Variants in DMD observed in about 807,000 individuals in gnomAD.
DMD encodes the protein mutant dystrophin.
A neutral mutation model predicts 330.1 loss-of-function variants in DMD; 63 were observed. The observed-to-expected ratio is 0.19, with a 90% CI of 0.16 to 0.24. The LOEUF is 0.24. Ranked by LOEUF, DMD falls within the 10% of genes least tolerant of loss-of-function variation. The pLI is 1.00. For missense variants in DMD, 3,344 were observed against 2,684.1 expected, an observed-to-expected ratio of 1.25 and a Z score of -5.43; for synonymous variants, 1,223 against 959.8, an observed-to-expected ratio of 1.27 and a Z score of -5.07.
At chrX:33,293,087 A>G (rs1396299464) in intron 1 of DMD, among the ~76,000 whole-genome samples, 2 of 111,519 alleles carry the variant, frequency 1.8e-5, no homozygotes, top group African/African-American at 6.5e-5. Flanking sequence ...ACTATAGGTT[A>G]TGTGATTATC....
intron 44 of DMD, among the ~76,000 whole-genome samples, chrX:32,123,202 C>CATATATATATATATATATAT (rs59017074): frequency 1.5e-3 from 48 of 32,555 alleles, no homozygotes; most frequent in Non-Finnish European, 2.0e-3. Context: ...TGTGAGCATG[C>CATATATATATATATATATAT]ATATATATAT....
Position 32,123,244 on chromosome X carries a change from A to ATAT in DMD, c.6438+93671_6438+93672insATA, listed in dbSNP as rs1569544914. Among the ~76,000 whole-genome samples, 44 of 42,696 alleles carry ATAT rather than the reference A, an allele frequency of 1.0e-3. 1 individual carries two copies. Among genetic ancestry groups the ATAT allele is most frequent in the African/African-American group, 4.0e-3 (39 of 9,662 alleles). The allele number at this position is 42,696 out of a possible 115,157, so 37.1% of individuals were successfully genotyped here. On this transcript the variant is annotated intron_variant, in intron 44 of 78. Transcript: ENST00000357033. ...ATATATATATATATATATATATATA[A>ATAT]ATGATCAAAATTGATGCTAATGAAA... is the stretch of plus-strand genomic sequence containing the variant.
chrX:31,670,385 A>G (rs1362055919), intron 53 of DMD, among the ~76,000 whole-genome samples: 1 of 112,163 alleles, frequency 8.9e-6, no homozygotes, highest in African/African-American at 3.2e-5. Context: ...CTTAGGGGAA[A>G]GCATTCAGTG....
At chrX:31,930,009 C>A (rs1000982449) in intron 46 of DMD, among the ~76,000 whole-genome samples, 1 of 110,955 alleles carries the variant, frequency 9.0e-6, no homozygotes, top group African/African-American at 3.3e-5. Flanking sequence ...GATGGTAAAG[C>A]AACACTCCAA....
intron 43 of DMD, among the ~76,000 whole-genome samples, chrX:32,220,712 T>C (rs2097129227): frequency 9.0e-6 from 1 of 111,315 alleles, no homozygotes; most frequent in African/African-American, 3.3e-5. Flanking sequence ...TTAGTCACTG[T>C]GCTCCCTAAA....
At chrX:31,405,197 A>C (rs987646623) in intron 60 of DMD, among the ~76,000 whole-genome samples, 2 of 112,130 alleles carry the variant, frequency 1.8e-5, no homozygotes, top group Non-Finnish European at 3.8e-5. Context: ...GACAAGAAAA[A>C]TAATATGTAT....
chrX:31,687,108 T>C lies in DMD; in HGVS notation c.7661-7522A>G, dbSNP rs191238241. Among the ~76,000 whole-genome samples, 15 of 111,054 alleles carry C rather than the reference T, an allele frequency of 1.4e-4. No individual in the cohort carries two copies. The East Asian group carries it at 3.1e-3, about 23-fold the overall frequency. On this transcript the variant is annotated intron_variant, in intron 52 of 78. Transcript: ENST00000357033. ...TACCTTAAAGGGAAGGACTCAGTCC[T>C]ATCAGGATTCATCAGCTACTAACTA...
At chrX:33,119,899 C>T in intron 1 of DMD, among the ~76,000 whole-genome samples, 1 of 111,636 alleles carries the variant, frequency 9.0e-6, no homozygotes, top group Non-Finnish European at 1.9e-5. Context: ...CTTTTCTTCA[C>T]TTACTGGGCT....
At chrX:32,782,649 C>T (rs1413585116) in intron 7 of DMD, among the ~76,000 whole-genome samples, 1 of 110,653 alleles carries the variant, frequency 9.0e-6, no homozygotes, top group African/African-American at 3.3e-5. Context: ...ATACAGTGGG[C>T]CCTCCGTATC....
chrX:32,945,272 C>G (rs1254416274), intron 2 of DMD, among the ~76,000 whole-genome samples: 1 of 111,193 alleles, frequency 9.0e-6, no homozygotes, highest in Non-Finnish European at 1.9e-5. Flanking sequence ...AAAATGATAG[C>G]TTTGATTTTC....
chrX:31,843,878 G>A (rs5927883), intron 48 of DMD, among the ~76,000 whole-genome samples: 37,444 of 109,303 alleles, frequency 0.34, 5,443 homozygotes, highest in African/African-American at 0.56. Context: ...ATTTAGGGAC[G>A]GAGTCTCGCT....
intron 2 of DMD, among the ~76,000 whole-genome samples, chrX:32,879,876 T>C (rs1170191737): frequency 9.0e-6 from 1 of 111,706 alleles, no homozygotes; most frequent in East Asian, 2.8e-4. Flanking sequence ...ATGCTAGATG[T>C]ACTTGCATGT....
chrX:32,928,795 T>TA lies in DMD; in HGVS notation c.94-78976dup, dbSNP rs767095120. On this transcript the variant is annotated intron_variant, in intron 2 of 78. Transcript: ENST00000357033. ...CTTACATGGGGTTGGGGTAATTGCT[T>TA]ACAATCAGATATTCTCAGACATTAC... 2.7e-5 allele frequency among the ~76,000 whole-genome samples: 3 copies of TA among 112,053 alleles called. No homozygotes were observed. The Admixed American group carries it at 2.9e-4, about 11-fold the overall frequency.
intron 44 of DMD, among the ~76,000 whole-genome samples, chrX:32,004,174 TG>T (rs2095645931): frequency 9.0e-6 from 1 of 111,514 alleles, no homozygotes; most frequent in Non-Finnish European, 1.9e-5. Flanking sequence ...ACATATGTTC[TG>T]GCTTCAAGTT....
intron 27 of DMD, among the ~76,000 whole-genome samples, chrX:32,445,890 T>G (rs1332192473): frequency 1.8e-5 from 2 of 111,188 alleles, no homozygotes; most frequent in Non-Finnish European, 3.8e-5. Flanking sequence ...TGTAGAGAGA[T>G]AAATATATAT....
intron 47 of DMD, among the ~76,000 whole-genome samples, chrX:31,908,357 C>T (rs917188827): frequency 2.7e-5 from 3 of 111,720 alleles, no homozygotes; most frequent in South Asian, 7.5e-4. Context: ...AAATGTGGCA[C>T]ATACACACCA....
At chrX:32,530,309 T>A (rs746518827) in intron 17 of DMD, among the ~76,000 whole-genome samples, 2 of 112,471 alleles carry the variant, frequency 1.8e-5, no homozygotes, top group South Asian at 3.6e-4. Flanking sequence ...GTATTGATAT[T>A]CATCTTGGCA....
intron 55 of DMD, among the ~76,000 whole-genome samples, chrX:31,598,691 A>G (rs750440645): frequency 3.6e-5 from 4 of 112,099 alleles, no homozygotes; most frequent in Non-Finnish European, 7.5e-5. Flanking sequence ...CTCAGGAGCT[A>G]CAAGTCATAT....
Position 32,696,774 on chromosome X carries a change from A to G in DMD, c.960+1096T>C, listed in dbSNP as rs189544915. ...TATTCCTTAAGTCTTGGTGATTTCA[A>G]CGGAGGGAATGGTGATAAATTGAGT... On this transcript the variant is annotated intron_variant, in intron 9 of 78. Coordinates refer to ENST00000357033, the MANE Select transcript of DMD (RefSeq NM_004006.3). Among the ~76,000 whole-genome samples the G allele has an allele frequency of 7.2e-5, 8 of 111,253 alleles. No homozygotes were observed. The East Asian group carries it at 1.4e-3, about 20-fold the overall frequency.
Sources: gnomAD v4.1 joint callset for allele counts (sites outside exome capture counted in the v4.1 genomes callset) on GRCh38, gnomAD v4.1.1 for gene constraint, MANE v1.5 for transcripts, NCBI Gene and HGNC (gene_info 2026-07-23, HGNC 2026-07-21) for gene names.